The following LSAMP variants were observed in gnomAD, a reference collection of about 807,000 sequenced individuals.
LSAMP encodes limbic system-associated membrane protein.
A neutral mutation model predicts 38.6 loss-of-function variants in LSAMP; 7 were observed. That is an observed-to-expected ratio of 0.18 (90% confidence interval 0.10 to 0.34). The LOEUF is 0.34. Ranked by LOEUF, LSAMP falls within the 10% of genes least tolerant of loss-of-function variation. The pLI, the probability that LSAMP is intolerant of heterozygous loss-of-function variation, is 1.00. For missense variants in LSAMP, 313 were observed against 420.0 expected (o/e 0.75, Z 2.23); for synonymous variants, 154 against 166.8 (o/e 0.92, Z 0.59).
At chr3:115,955,291 T>C (rs1046438006) in intron 3 of LSAMP, among the ~76,000 whole-genome samples, 2 of 152,202 alleles carry the variant, frequency 1.3e-5, no homozygotes, top group Non-Finnish European at 2.9e-5. Flanking sequence ...TGCTAAATCC[T>C]TACATCCTAA....
intron 1 of LSAMP, among the ~76,000 whole-genome samples, chr3:116,261,700 A>G (rs1194253970): frequency 1.3e-5 from 2 of 152,116 alleles, no homozygotes; most frequent in African/African-American, 4.8e-5. Context: ...TTAGCCAACT[A>G]AAAGCAGATT....
rs561176451 is a variant in LSAMP, at chr3:115,820,045, A to C, written c.920-9631T>G. On this transcript the variant is annotated intron_variant, in intron 6 of 6. Transcript: ENST00000490035. ...CACTTTTTTTTTTTTTTCCAGTGTC[A>C]GGCCAGGCATGAAATAGTACTCTTT... is the stretch of plus-strand genomic sequence containing the variant. Among the ~76,000 whole-genome samples the C allele has an allele frequency of 3.3e-5, 5 of 151,274 alleles. No individual in the cohort carries two copies. The South Asian group carries it at 1.0e-3, about 32-fold the overall frequency.
chr3:116,257,246 T>C (rs1341636642), intron 1 of LSAMP, among the ~76,000 whole-genome samples: 2 of 152,186 alleles, frequency 1.3e-5, no homozygotes, highest in Non-Finnish European at 2.9e-5. Context: ...CATTTACAAA[T>C]GGAGTATGCC....
intron 3 of LSAMP, among the ~76,000 whole-genome samples, chr3:115,947,804 T>G (rs189840034): frequency 2.0e-5 from 3 of 152,334 alleles, no homozygotes; most frequent in African/African-American, 7.2e-5. Flanking sequence ...TGAACTTGAA[T>G]GAGCCAGCCT....
intron 1 of LSAMP, among the ~76,000 whole-genome samples, chr3:116,104,301 C>T (rs1418357298): frequency 1.3e-5 from 2 of 151,972 alleles, no homozygotes; most frequent in Non-Finnish European, 2.9e-5. Flanking sequence ...AGCCTGTTAG[C>T]CCCAAGCAAG....
intron 6 of LSAMP, among the ~76,000 whole-genome samples, chr3:115,823,930 A>C (rs1433577462): frequency 6.6e-6 from 1 of 152,236 alleles, no homozygotes; most frequent in Non-Finnish European, 1.5e-5. Flanking sequence ...GTATAGGTGC[A>C]TGATTTGACT....
chr3:116,046,126 C>T (rs1172116582), intron 2 of LSAMP, among the ~76,000 whole-genome samples: 1 of 152,136 alleles, frequency 6.6e-6, no homozygotes. Context: ...TCTAATAAGT[C>T]ATATAAGGAA....
intron 3 of LSAMP, among the ~76,000 whole-genome samples, chr3:115,964,371 T>C (rs1479035077): frequency 6.6e-6 from 1 of 152,176 alleles, no homozygotes; most frequent in Non-Finnish European, 1.5e-5. Context: ...GCTGTCACTA[T>C]ATAAATGCAG....
intron 1 of LSAMP, among the ~76,000 whole-genome samples, chr3:116,212,163 C>A (rs1235591845): frequency 1.3e-5 from 2 of 152,116 alleles, no homozygotes; most frequent in Non-Finnish European, 2.9e-5. Flanking sequence ...AAATAATGAA[C>A]CATGTGTGGT....
chr3:116,282,147 A>G (rs1279894119), intron 1 of LSAMP, among the ~76,000 whole-genome samples: 1 of 152,204 alleles, frequency 6.6e-6, no homozygotes, highest in East Asian at 1.9e-4. Flanking sequence ...GCTGGGCAGG[A>G]CTTCATTGAA....
chr3:116,433,493 T>C (rs193205075), intron 1 of LSAMP, among the ~76,000 whole-genome samples: 10 of 152,252 alleles, frequency 6.6e-5, no homozygotes, highest in Non-Finnish European at 1.3e-4. Flanking sequence ...AGAAGGAAAT[T>C]TGGGATTATT....
intron 3 of LSAMP, among the ~76,000 whole-genome samples, chr3:115,965,432 A>T (rs1345219291): frequency 6.6e-6 from 1 of 151,952 alleles, no homozygotes; most frequent in African/African-American, 2.4e-5. Flanking sequence ...AAATCATAGG[A>T]ATATCTTATA....
chr3:116,384,888 C>T (rs192368856), intron 1 of LSAMP, among the ~76,000 whole-genome samples: 1 of 152,242 alleles, frequency 6.6e-6, no homozygotes, highest in East Asian at 1.9e-4. Context: ...AAGCTCTATG[C>T]TCCCTTTCTT....
chr3:116,027,812 G>C (rs1331407470), intron 2 of LSAMP, among the ~76,000 whole-genome samples: 1 of 152,156 alleles, frequency 6.6e-6, no homozygotes, highest in Non-Finnish European at 1.5e-5. Flanking sequence ...GAGTAGGAGA[G>C]AAAAGTGGTC....
intron 2 of LSAMP, among the ~76,000 whole-genome samples, chr3:116,082,368 T>A (rs562478489): frequency 6.6e-6 from 1 of 152,312 alleles, no homozygotes; most frequent in African/African-American, 2.4e-5. Context: ...TAGTAGCTCT[T>A]GATTTTTGTG....
intron 1 of LSAMP, among the ~76,000 whole-genome samples, chr3:116,332,064 T>G (rs968528844): frequency 1.3e-5 from 2 of 152,132 alleles, no homozygotes; most frequent in Admixed American, 6.6e-5. Context: ...TGGCTGGAAC[T>G]CCTGGACTCA....
At chr3:116,376,225 G>GCATGGCTCTTCCACCTCAGTTT (rs2048490955) in intron 1 of LSAMP, among the ~76,000 whole-genome samples, 1 of 152,060 alleles carries the variant, frequency 6.6e-6, no homozygotes, top group Non-Finnish European at 1.5e-5. Context: ...AGGTGAAACA[G>GCATGGCTCTTCCACCTCAGTTT]CTACTGGGTC....
intron 1 of LSAMP, among the ~76,000 whole-genome samples, chr3:116,180,572 T>G (rs1433006664): frequency 1.3e-5 from 2 of 152,140 alleles, no homozygotes; most frequent in Non-Finnish European, 2.9e-5. Flanking sequence ...TATGATGTAA[T>G]AAATTGCTCT....
chr3:115,846,905 C>CA (rs1935177703), intron 4 of LSAMP, among the ~76,000 whole-genome samples: 1 of 152,170 alleles, frequency 6.6e-6, no homozygotes, highest in Non-Finnish European at 1.5e-5. Flanking sequence ...AATGCAGACT[C>CA]AATCTCTGCT....
Sources: gnomAD v4.1 joint callset for allele counts (sites outside exome capture counted in the v4.1 genomes callset) on GRCh38, gnomAD v4.1.1 for gene constraint, MANE v1.5 for transcripts, NCBI Gene and HGNC (gene_info 2026-07-23, HGNC 2026-07-21) for gene names.